ITIH5: variants seen among roughly 807,000 people sequenced by gnomAD.
ITIH5 encodes the protein inter-alpha-trypsin inhibitor heavy chain H5.
Under a neutral mutation model 77.5 loss-of-function variants are expected in ITIH5, and 65 were observed. The observed-to-expected ratio is 0.84, with a 90% confidence interval of 0.69 to 1.03. ITIH5 has a LOEUF of 1.03. ITIH5 is among the 50% of genes least tolerant of loss of function. ITIH5 has a pLI of 0.00. For synonymous variants in ITIH5, 525 were observed against 494.3 expected, an observed-to-expected ratio of 1.06 and a Z score of -0.82; for missense variants, 1,208 against 1,213.1, an observed-to-expected ratio of 1.00 and a Z score of 0.06.
chr10:7,613,177 C>T (rs147096643), intron 7 of ITIH5, among the ~76,000 whole-genome samples: 4,568 of 150,420 alleles, frequency 0.03, 206 homozygotes, highest in African/African-American at 0.095. Context: ...ACCCAGGAGG[C>T]AGAGGCTGCA....
chr10:7,597,063 A>AAAAAAAAAAAAAAAAAT (rs750714870), intron 7 of ITIH5, among the ~76,000 whole-genome samples: 184 of 142,676 alleles, frequency 1.3e-3, no homozygotes, highest in Non-Finnish European at 2.2e-3. Flanking sequence ...AAAAAAAAAA[A>AAAAAAAAAAAAAAAAAT]ATTCCACCAA....
At chr10:7,577,835 G>A (rs1055030851) in intron 9 of ITIH5, among the ~76,000 whole-genome samples, 14 of 152,150 alleles carry the variant, frequency 9.2e-5, no homozygotes, top group Admixed American at 6.5e-4. Context: ...GATGTAAACA[G>A]TACTTCTTTG....
chr10:7,625,049 G>A, intron 5 of ITIH5, among the ~76,000 whole-genome samples: 1 of 151,692 alleles, frequency 6.6e-6, no homozygotes, highest in Non-Finnish European at 1.5e-5. Context: ...ATATGAGATT[G>A]AGAGACTTCT....
At chr10:7,636,801 C>T (rs2131072565) in intron 5 of ITIH5, among the ~76,000 whole-genome samples, 1 of 152,182 alleles carries the variant, frequency 6.6e-6, no homozygotes, top group African/African-American at 2.4e-5. Flanking sequence ...CACCTGTAAT[C>T]CCAGCACTTT....
intron 5 of ITIH5, among the ~76,000 whole-genome samples, chr10:7,624,807 A>ATATACATG: frequency 3.4e-5 from 1 of 29,218 alleles, no homozygotes; most frequent in East Asian, 1.7e-3. Context: ...AAATATATAT[A>ATATACATG]TATATACACA....
intron 5 of ITIH5, among the ~76,000 whole-genome samples, chr10:7,628,450 G>A (rs547985858): frequency 1.1e-4 from 16 of 152,312 alleles, no homozygotes; most frequent in Middle Eastern, 3.4e-3. Context: ...GCATGTGTCC[G>A]TGTTGTGGCC....
intron 2 of ITIH5, among the ~76,000 whole-genome samples, chr10:7,652,647 A>G (rs1313877659): frequency 6.6e-6 from 1 of 152,142 alleles, no homozygotes; most frequent in Non-Finnish European, 1.5e-5. Context: ...AAATCTTTGT[A>G]CCCTTAGAGG....
chr10:7,635,043 C>A (rs1355517627), intron 5 of ITIH5, among the ~76,000 whole-genome samples: 1 of 152,158 alleles, frequency 6.6e-6, no homozygotes, highest in Non-Finnish European at 1.5e-5. Context: ...CCCACCTTGG[C>A]CTCCCAAAGT....
Position 7,640,778 on chromosome 10 carries a change from C to A in ITIH5, c.377G>T (p.Arg126Met). The change falls in exon 4 of 14, where the codon AGG becomes ATG. Residue 126 changes from arginine to methionine, a missense_variant. By Grantham distance (91) the Arg-to-Met change is moderately conservative (BLOSUM62 -1). Transcript: ENST00000397146. Reference protein sequence around the residue: ...KKSGDRVKEKRNKTTEENGEK... With the variant: ...KKSGDRVKEKMNKTTEENGEK... The stretch of plus-strand genomic sequence containing the variant: ...CCCATTTTCTTCTGTGGTTTTATTC[C>A]TTTTCTCTTTTACCCTATCACCACT... 6.2e-7 allele frequency: 1 copy of A among 1,612,304 alleles called. No homozygotes were observed. The highest frequency in any genetic ancestry group is 8.5e-7 in the Non-Finnish European group (1 of 1,178,522).
chr10:7,581,979 A>G (rs929805183), intron 8 of ITIH5, among the ~76,000 whole-genome samples: 7 of 149,632 alleles, frequency 4.7e-5, no homozygotes, highest in African/African-American at 9.9e-5. Context: ...GTGTTCAAGC[A>G]ATTCTCCTGC....
chr10:7,613,241 G>C (rs113150871), intron 7 of ITIH5, among the ~76,000 whole-genome samples: 3 of 136,612 alleles, frequency 2.2e-5, no homozygotes, highest in Admixed American at 7.2e-5. Flanking sequence ...GTGAGACTTC[G>C]TCTCAAAAAA....
At chr10:7,657,268 G>A (rs1345066969) in intron 1 of ITIH5, among the ~76,000 whole-genome samples, 2 of 149,126 alleles carry the variant, frequency 1.3e-5, no homozygotes, top group Non-Finnish European at 1.5e-5. Context: ...AGCATGGTCT[G>A]GATCTCCTGA....
chr10:7,603,295 A>C (rs2131010523), intron 7 of ITIH5, among the ~76,000 whole-genome samples: 1 of 152,348 alleles, frequency 6.6e-6, no homozygotes, highest in East Asian at 1.9e-4. Context: ...AGCCAGGCAC[A>C]AAAGGCCGCA....
At chr10:7,564,065 G>A (rs922203375) in intron 13 of ITIH5, among the ~76,000 whole-genome samples, 4 of 152,230 alleles carry the variant, frequency 2.6e-5, no homozygotes, top group African/African-American at 4.8e-5. Flanking sequence ...TGCTGGGCAC[G>A]GCCACGTGGG....
intron 2 of ITIH5, among the ~76,000 whole-genome samples, chr10:7,655,386 A>C (rs1254754102): frequency 6.6e-6 from 1 of 152,208 alleles, no homozygotes; most frequent in Non-Finnish European, 1.5e-5. Flanking sequence ...AAAAAAAATA[A>C]ACCTGCAAAG....
intron 8 of ITIH5, among the ~76,000 whole-genome samples, chr10:7,583,479 C>T (rs11816245): frequency 0.3 from 45,394 of 152,036 alleles, 7,255 homozygotes; most frequent in East Asian, 0.49. Flanking sequence ...ACTACAGGCG[C>T]AAGCTACCAC....
intron 9 of ITIH5, among the ~76,000 whole-genome samples, chr10:7,577,877 T>C (rs1356796881): frequency 1.3e-5 from 2 of 152,214 alleles, no homozygotes; most frequent in African/African-American, 2.4e-5. Context: ...AAAGTCCATT[T>C]TCCCCTTCTT....
chr10:7,627,752 A>T (rs923190807), intron 5 of ITIH5, among the ~76,000 whole-genome samples: 1 of 149,530 alleles, frequency 6.7e-6, no homozygotes, highest in Non-Finnish European at 1.5e-5. Flanking sequence ...AGGAAGGGAG[A>T]TTCTAACCAC....
intron 5 of ITIH5, among the ~76,000 whole-genome samples, chr10:7,636,960 A>G (rs1833807631): frequency 1.3e-5 from 2 of 152,210 alleles, no homozygotes; most frequent in Admixed American, 1.3e-4. Context: ...CTGAGGCAGC[A>G]GAATCGCTTG....
Sources: allele counts gnomAD v4.1 joint callset (sites outside exome capture counted in the v4.1 genomes callset), GRCh38; gene constraint gnomAD v4.1.1; transcripts MANE v1.5; gene names NCBI Gene and HGNC (gene_info 2026-07-23, HGNC 2026-07-21).